SLC2A3: variants seen among roughly 807,000 people sequenced by gnomAD.
SLC2A3 encodes the protein solute carrier family 2 member 3.
A neutral mutation model predicts 46.4 loss-of-function variants in SLC2A3; 21 were observed. That is an observed-to-expected ratio of 0.45 (90% CI 0.32 to 0.65). SLC2A3 has a LOEUF of 0.65. Ranked by LOEUF, SLC2A3 falls within the 30% of genes least tolerant of loss-of-function variation. SLC2A3 has a pLI of 0.04. For synonymous variants in SLC2A3, 213 were observed against 239.4 expected (o/e 0.89, Z 1.02); for missense variants, 499 against 623.3 (o/e 0.80, Z 2.12).
intron 6 of SLC2A3, chr12:7,929,437 A>G: frequency 1.9e-6 from 1 of 537,848 alleles, no homozygotes; most frequent in Non-Finnish European, 3.1e-6. Flanking sequence ...TGAAGTTGCC[A>G]GTGTCCTTCC....
intron 4 of SLC2A3, among the ~76,000 whole-genome samples, chr12:7,931,023 G>C (rs990717324): frequency 1.3e-4 from 19 of 151,922 alleles, no homozygotes; most frequent in African/African-American, 4.1e-4. Flanking sequence ...GTCTTCATCT[G>C]CTGACCTCGT....
In SLC2A3 at chr12:7,919,606, G is replaced by A. The variant is rs1946015362; in HGVS notation, c.*1807C>T. ...CCGGCTAATTTTTGCATTTTTAGTA[G>A]AGACAGGGTTTCACGATGTTGGCCA... On this transcript the variant is annotated 3_prime_UTR_variant, in exon 10 of 10. Coordinates refer to ENST00000075120, the MANE Select transcript of SLC2A3 (RefSeq NM_006931.3). 1 of 151,998 alleles carries A rather than the reference G, an allele frequency of 6.6e-6. No individual in the cohort carries two copies. The highest frequency in any genetic ancestry group is 2.4e-5 in the African/African-American group (1 of 41,352). 9.4% of individuals were successfully genotyped at this position (151,998 alleles called of 1,614,324 possible).
In SLC2A3 at chr12:7,929,807, A is replaced by G. The variant is rs1260786065; in HGVS notation, c.738T>C (p.Ser246=). 2.5e-6 allele frequency: 4 copies of G among 1,613,398 alleles called. No individual in the cohort carries two copies. The highest frequency in any genetic ancestry group is 1.6e-4 in the Middle Eastern group (1 of 6,076). Residue 246 remains serine, a synonymous_variant, in exon 6 of 10, where the codon AGT becomes AGC. Transcript: ENST00000075120. ...SQDIQEMKDE[S]ARMSQEKQVT... The stretch of plus-strand genomic sequence containing the variant: ...CTTGCTTTTCTTGTGACATCCTTGC[A>G]CTCTCATCTTTCATCTCCTGGATGT...
chr12:7,922,838 G>T lies in SLC2A3; in HGVS notation c.1255C>A (p.Leu419Ile). The T allele has an allele frequency of 6.2e-7, 1 of 1,614,042 alleles. No individual in the cohort carries two copies. Among genetic ancestry groups the T allele is most frequent in the Non-Finnish European group, 8.5e-7 (1 of 1,179,926 alleles). The change falls in exon 9 of 10, where the codon CTC (leucine) becomes ATC (isoleucine). Residue 419 changes from leucine (L) to isoleucine (I), a missense_variant. Coordinates refer to ENST00000075120, the MANE Select transcript of SLC2A3 (RefSeq NM_006931.3). Reference sequence around the variant, plus strand: ...TTACTTACAGCAGCGGAGGGGAAGAGCAATCCGACTAGGAAGTTGGAGGTC... The same window carrying T: ...TTACTTACAGCAGCGGAGGGGAAGATCAATCCGACTAGGAAGTTGGAGGTC... Reference protein sequence around the residue: ...NWTSNFLVGLLFPSAAHYLGA... With the variant: ...NWTSNFLVGLIFPSAAHYLGA...
At position 7,923,164 on chromosome 12, in the gene SLC2A3, ATTTATT is replaced by A. The variant is rs1301936506; in HGVS notation, c.1069-146_1069-141del. Reference sequence around the variant, plus strand: ...GTGGCTGTGGAGTCAAAAGGCTTGGATTTATTTTTATTTTTATTTTTTGAGACAGGG... The same window carrying A: ...GTGGCTGTGGAGTCAAAAGGCTTGGATTTATTTTTATTTTTTGAGACAGGG... On this transcript the variant is annotated intron_variant, in intron 8 of 9. Transcript: ENST00000075120. 1.2e-5 allele frequency: 10 copies of A among 835,088 alleles called. No homozygotes were observed. The Admixed American group carries it at 2.1e-4, about 17-fold the overall frequency. 51.7% of individuals were successfully genotyped at this position (835,088 alleles called of 1,614,324 possible).
intron 2 of SLC2A3, 160 bp from the exon 3 acceptor site, chr12:7,933,307 G>A (rs1263054599): frequency 4.8e-6 from 4 of 840,444 alleles, no homozygotes; most frequent in Non-Finnish European, 7.3e-6. Flanking sequence ...ACTCTCGCTG[G>A]AATAGTAATT....
chr12:7,935,903 G>A (rs935429246), intron 1 of SLC2A3, 117 bp downstream of exon 1: 18 of 850,786 alleles, frequency 2.1e-5, no homozygotes, highest in Non-Finnish European at 3.5e-5. Flanking sequence ...AAATGAAAAG[G>A]CCTTAAGATA....
chr12:7,924,372 T>C, intron 8 of SLC2A3, 38 bp downstream of exon 8: 3 of 1,606,942 alleles, frequency 1.9e-6, no homozygotes, highest in Non-Finnish European at 2.5e-6. Context: ...ACCTCTCTTC[T>C]TTCCCCCTCC....
rs199751223 is a variant in SLC2A3 at position 7,919,345 on chromosome 12, CCTA to C, written c.*2065_*2067del. On this transcript the variant is annotated 3_prime_UTR_variant, in exon 10 of 10. Transcript: ENST00000075120. ...AAATGGGACCCTGCCTTACTGCCAA[CCTA>C]CTGTTTGAGGAGCCAGAAGTTGACA... 1 of 152,180 alleles carries C rather than the reference CCTA, an allele frequency of 6.6e-6. No homozygotes were observed. The highest frequency in any genetic ancestry group is 1.9e-4 in the East Asian group (1 of 5,196). The allele number at this position is 152,180 out of a possible 1,614,324, so 9.4% of individuals were successfully genotyped here.
chr12:7,924,448 A>G lies in SLC2A3; in HGVS notation c.1030T>C (p.Phe344Leu). 1 of 1,610,840 alleles carries G rather than the reference A, an allele frequency of 6.2e-7. No individual in the cohort carries two copies. Among genetic ancestry groups the G allele is most frequent in the Non-Finnish European group, 8.5e-7 (1 of 1,179,216 alleles). Residue 344 changes from phenylalanine (F) to leucine (L), a missense_variant, in exon 8 of 10, where the codon TTT (phenylalanine) becomes CTT (leucine). Phe to Leu is a conservative substitution (Grantham distance 22). Transcript: ENST00000075120. The stretch of plus-strand genomic sequence containing the variant: ...GAAACAGTCATGAGCGTGGAACAAA[A>G]AGCCATCCCTCCAAGGCCTATCATA... Reference protein sequence around the residue: ...LHMIGLGGMAFCSTLMTVSLL... With the variant: ...LHMIGLGGMALCSTLMTVSLL...
Position 7,921,568 on chromosome 12 carries a change from T to A in SLC2A3, c.1336A>T (p.Thr446Ser). ...TGFLITFLAF[T>S]FFKVPETRGR... ...CGGGTCTCAGGGACTTTGAAGAAGG[T>A]AAAAGCCAAGAAGGTAATGAGGAAG... The change falls in exon 10 of 10, where the codon ACC becomes TCC. Residue 446 changes from threonine to serine, a missense_variant. By Grantham distance (58) the Thr-to-Ser change is moderately conservative (BLOSUM62 1). Coordinates refer to ENST00000075120, the MANE Select transcript of SLC2A3 (RefSeq NM_006931.3). 6.2e-7 allele frequency: 1 copy of A among 1,613,754 alleles called. No homozygotes were observed. Among genetic ancestry groups the A allele is most frequent in the South Asian group, 1.1e-5 (1 of 91,056 alleles).
chr12:7,928,968 T>C lies in SLC2A3; in HGVS notation c.861+716A>G, dbSNP rs111249706. Among the ~76,000 whole-genome samples the C allele has an allele frequency of 1.1e-4, 17 of 152,046 alleles. 1 individual carries two copies. Among genetic ancestry groups the C allele is most frequent in the African/African-American group, 4.1e-4 (17 of 41,478 alleles). The stretch of plus-strand genomic sequence containing the variant: ...GCCACCACACTTGGCTCCTCATAGA[T>C]TCTGACATAACAGCCTCTAACCCCT... On this transcript the variant is annotated intron_variant, in intron 6 of 9. Transcript: ENST00000075120.
rs1254366582 is a variant in SLC2A3, at chr12:7,931,606, T to G, written c.270-121A>C. 2.8e-6 allele frequency: 4 copies of G among 1,432,460 alleles called. No homozygotes were observed. The South Asian group carries it at 5.7e-5, about 20-fold the overall frequency. 88.7% of individuals were successfully genotyped at this position (1,432,460 alleles called of 1,614,324 possible). A position where few individuals can be genotyped will look rare whatever the true frequency, so the allele number is the denominator to read the frequency against. On this transcript the variant is annotated intron_variant, in intron 3 of 9. Transcript: ENST00000075120. Reference sequence around the variant, plus strand: ...TCATCCCTTTTTTTTTTAATCTAACTTTTGTTTTTCACTTTCTATTATCAG... The same window carrying G: ...TCATCCCTTTTTTTTTTAATCTAACGTTTGTTTTTCACTTTCTATTATCAG...
chr12:7,930,184 C>T (rs1165056413), intron 5 of SLC2A3: 3 of 530,354 alleles, frequency 5.7e-6, no homozygotes, highest in African/African-American at 1.9e-5. Context: ...AGGGTTTCTC[C>T]ATGTTGTTTC....
chr12:7,925,284 G>A (rs960479336), intron 7 of SLC2A3: 5 of 152,582 alleles, frequency 3.3e-5, no homozygotes, highest in African/African-American at 9.7e-5. Flanking sequence ...AGAGGATGTC[G>A]TGGGAATCCT....
intron 8 of SLC2A3, 150 bp downstream of exon 8, chr12:7,924,260 C>G: frequency 1.5e-6 from 2 of 1,373,366 alleles, no homozygotes; most frequent in South Asian, 2.6e-5. Context: ...TCTCTGACGA[C>G]CCATGTTTCT....
In SLC2A3 at chr12:7,930,586, A is replaced by T; in HGVS notation, c.567T>A (p.Gly189=). The part of the protein sequence containing the change: ...GSEELWPLLL[G]FTILPAILQS... The stretch of plus-strand genomic sequence containing the variant: ...GTAGGATAGCAGGAAGGATGGTAAA[A>T]CCCAGTAGCAGCGGCCATAGCTCTT... Residue 189 remains glycine, a synonymous_variant, in exon 5 of 10, where the codon GGT becomes GGA. Transcript: ENST00000075120. 6.2e-7 allele frequency: 1 copy of T among 1,613,936 alleles called. No homozygotes were observed. Among genetic ancestry groups the T allele is most frequent in the Non-Finnish European group, 8.5e-7 (1 of 1,179,936 alleles).
chr12:7,930,582 T>C lies in SLC2A3; in HGVS notation c.571A>G (p.Thr191Ala), dbSNP rs1322868186. 1 of 1,613,880 alleles carries C rather than the reference T, an allele frequency of 6.2e-7. No homozygotes were observed. Among genetic ancestry groups the C allele is most frequent in the Non-Finnish European group, 8.5e-7 (1 of 1,179,928 alleles). Residue 191 changes from threonine to alanine, a missense_variant, in exon 5 of 10, where the codon ACC (threonine) becomes GCC (alanine). This residue lies in a region of SLC2A3 where 248 missense variants were observed against 284.0 expected (regional missense o/e 0.87). Transcript: ENST00000075120. ...CTTTGTAGGATAGCAGGAAGGATGG[T>C]AAAACCCAGTAGCAGCGGCCATAGC... ...EELWPLLLGF[T>A]ILPAILQSAA...
intron 6 of SLC2A3, among the ~76,000 whole-genome samples, chr12:7,926,760 T>A (rs1403159808): frequency 6.6e-6 from 1 of 152,188 alleles, no homozygotes; most frequent in Non-Finnish European, 1.5e-5. Flanking sequence ...AATAACCTTA[T>A]CCTGCTCATT....
Sources: gnomAD v4.1 joint callset for allele counts (sites outside exome capture counted in the v4.1 genomes callset) on GRCh38, gnomAD v4.1.1 for gene constraint, gnomAD v4.1.1 regional missense constraint, MANE v1.5 for transcripts, NCBI Gene and HGNC (gene_info 2026-07-23, HGNC 2026-07-21) for gene names.